Variants in LDB2 observed in about 807,000 individuals in gnomAD.
LDB2 encodes the protein LIM domain-binding protein 2.
In LDB2, 12 loss-of-function variants were observed where a neutral mutation model predicts 44.3. That is an observed-to-expected ratio of 0.27 (90% CI 0.17 to 0.44). The LOEUF (loss-of-function observed/expected upper bound fraction) is 0.44. Among genes scored for constraint, LDB2 ranks in the 20% least tolerant of loss-of-function variants. The pLI, the probability that LDB2 is intolerant of heterozygous loss-of-function variation, is 1.00. For missense variants in LDB2, 344 were observed against 473.5 expected (o/e 0.73, Z 2.54); for synonymous variants, 164 against 174.8 (o/e 0.94, Z 0.49).
At chr4:16,592,465 CATATATAT>C (rs71589671) in intron 3 of LDB2, among the ~76,000 whole-genome samples, 4,973 of 116,560 alleles carry the variant, frequency 0.043, 217 homozygotes, top group Admixed American at 0.082. Context: ...ATTATACATA[CATATATAT>C]ATATATATAT....
intron 1 of LDB2, among the ~76,000 whole-genome samples, chr4:16,847,935 A>G (rs1294560085): frequency 6.6e-6 from 1 of 152,236 alleles, no homozygotes; most frequent in Non-Finnish European, 1.5e-5. Flanking sequence ...TTTTAAAGTA[A>G]TATTTTTAAA....
chr4:16,663,265 T>C (rs1250749508), intron 2 of LDB2, among the ~76,000 whole-genome samples: 8 of 152,162 alleles, frequency 5.3e-5, no homozygotes, highest in Non-Finnish European at 1.0e-4. Context: ...CTGGTAAATG[T>C]TTAACATTTG....
intron 2 of LDB2, among the ~76,000 whole-genome samples, chr4:16,612,462 C>T (rs1229928377): frequency 1.3e-5 from 2 of 151,894 alleles, no homozygotes. Context: ...AACAGATTGA[C>T]CACTAACTAG....
chr4:16,716,559 T>A (rs1757115541), intron 2 of LDB2, among the ~76,000 whole-genome samples: 1 of 152,158 alleles, frequency 6.6e-6, no homozygotes, highest in East Asian at 1.9e-4. Flanking sequence ...TCACCAATGA[T>A]CAGTGGTTTT....
At chr4:16,821,731 A>T (rs911006859) in intron 1 of LDB2, among the ~76,000 whole-genome samples, 2 of 131,300 alleles carry the variant, frequency 1.5e-5, no homozygotes, top group African/African-American at 5.9e-5. Context: ...AATGGAAACC[A>T]TTCCAACATT....
At chr4:16,805,586 G>C (rs573754769) in intron 1 of LDB2, among the ~76,000 whole-genome samples, 1 of 152,304 alleles carries the variant, frequency 6.6e-6, no homozygotes, top group African/African-American at 2.4e-5. Context: ...AGAGATGAGA[G>C]ATGAGGTGAA....
intron 5 of LDB2, among the ~76,000 whole-genome samples, chr4:16,517,340 C>T (rs1724136004): frequency 1.0e-5 from 1 of 96,388 alleles, no homozygotes; most frequent in South Asian, 3.7e-4. Context: ...TACCCCACTC[C>T]ACATACACAT....
At position 16,549,173 on chromosome 4, in the gene LDB2, G is replaced by A. The variant is rs1338882565; in HGVS notation, c.615+36749C>T. On this transcript the variant is annotated intron_variant, in intron 5 of 7. Coordinates refer to ENST00000304523, the MANE Select transcript of LDB2 (RefSeq NM_001290.5). Reference sequence around the variant, plus strand: ...AAGAGACTCTTGCAACCTTAGTGCTGTTTCAAAGTTTTTCCTGGTTTCATC... The same window carrying A: ...AAGAGACTCTTGCAACCTTAGTGCTATTTCAAAGTTTTTCCTGGTTTCATC... 3.9e-5 allele frequency among the ~76,000 whole-genome samples: 6 copies of A among 152,328 alleles called. No individual in the cohort carries two copies. In the East Asian group the frequency reaches 1.2e-3, roughly 29 times the overall value.
chr4:16,508,882 C>A (rs949391510), intron 6 of LDB2, among the ~76,000 whole-genome samples, 196 bp from the exon 7 acceptor site: 1 of 152,054 alleles, frequency 6.6e-6, no homozygotes, highest in Admixed American at 6.6e-5. Context: ...ATGTGACACT[C>A]TTTTCTTTGT....
intron 1 of LDB2, among the ~76,000 whole-genome samples, chr4:16,888,944 T>A (rs1722525943): frequency 6.6e-6 from 1 of 152,138 alleles, no homozygotes; most frequent in Non-Finnish European, 1.5e-5. Context: ...GAAGCCTTTA[T>A]GTTCAAGGCT....
chr4:16,639,441 G>A (rs1414820246), intron 2 of LDB2, among the ~76,000 whole-genome samples: 1 of 152,116 alleles, frequency 6.6e-6, no homozygotes, highest in African/African-American at 2.4e-5. Flanking sequence ...AAGAAAACAG[G>A]GGAATCTGAA....
At chr4:16,674,113 G>A (rs560057739) in intron 2 of LDB2, 1 of 631,440 alleles carries the variant, frequency 1.6e-6, no homozygotes, top group East Asian at 6.7e-5. Flanking sequence ...AAGGAAGTTG[G>A]AAAGATTTCC....
At chr4:16,830,326 G>A (rs1251406494) in intron 1 of LDB2, among the ~76,000 whole-genome samples, 3 of 152,020 alleles carry the variant, frequency 2.0e-5, no homozygotes, top group Non-Finnish European at 4.4e-5. Context: ...TTTGTAAAGG[G>A]CTCTTCCCCC....
chr4:16,721,586 G>A (rs894440130), intron 2 of LDB2, among the ~76,000 whole-genome samples: 1 of 152,054 alleles, frequency 6.6e-6, no homozygotes, highest in Non-Finnish European at 1.5e-5. Context: ...AAACTGAGGG[G>A]GAAAATGGCA....
At chr4:16,803,020 C>G (rs1021945879) in intron 1 of LDB2, among the ~76,000 whole-genome samples, 3 of 152,160 alleles carry the variant, frequency 2.0e-5, no homozygotes, top group African/African-American at 7.2e-5. Context: ...ATTTTTTAAA[C>G]TCATGGCTTA....
chr4:16,674,007 A>G (rs1302829034), intron 2 of LDB2, among the ~76,000 whole-genome samples: 2 of 152,212 alleles, frequency 1.3e-5, no homozygotes, highest in Non-Finnish European at 2.9e-5. Context: ...GCAAAGATCA[A>G]TAATAATCAT....
chr4:16,820,931 TC>T (rs1781838099), intron 1 of LDB2, among the ~76,000 whole-genome samples: 1 of 152,220 alleles, frequency 6.6e-6, no homozygotes. Context: ...GCCTAATTTC[TC>T]TAAATGGCAA....
chr4:16,837,039 T>C (rs1296923926), intron 1 of LDB2, among the ~76,000 whole-genome samples: 1 of 152,210 alleles, frequency 6.6e-6, no homozygotes, highest in African/African-American at 2.4e-5. Flanking sequence ...TGGTTGCTAG[T>C]CCAGGTCTGT....
chr4:16,754,525 AT>A (rs1237200033), intron 2 of LDB2, among the ~76,000 whole-genome samples: 4,804 of 140,654 alleles, frequency 0.034, 78 homozygotes, highest in Middle Eastern at 0.091. Context: ...TGATGGCAGT[AT>A]TTTTTTTTTT....
Sources: allele counts gnomAD v4.1 joint callset (sites outside exome capture counted in the v4.1 genomes callset), GRCh38; gene constraint gnomAD v4.1.1; transcripts MANE v1.5; gene names NCBI Gene and HGNC (gene_info 2026-07-23, HGNC 2026-07-21).